Variants in DIAPH3 observed in about 807,000 individuals in gnomAD.
DIAPH3 encodes the protein protein diaphanous homolog 3.
DIAPH3 carries 117 observed loss-of-function variants against 144.3 expected under a neutral mutation model. The observed-to-expected ratio is 0.81, with a 90% CI of 0.70 to 0.95. The LOEUF (loss-of-function observed/expected upper bound fraction) is 0.95. DIAPH3 is among the 40% of genes least tolerant of loss of function. DIAPH3 has a pLI of 0.00. For missense variants in DIAPH3, 1,421 were observed against 1,412.7 expected (o/e 1.01, Z -0.09); for synonymous variants, 519 against 488.9 (o/e 1.06, Z -0.81).
chr13:59,788,210 T>A (rs978012118), intron 25 of DIAPH3, among the ~76,000 whole-genome samples: 6 of 152,138 alleles, frequency 3.9e-5, no homozygotes, highest in Non-Finnish European at 8.8e-5. Flanking sequence ...CAATGAAAAA[T>A]TATGATAAAT....
At chr13:59,969,911 C>T (rs774961390) in intron 17 of DIAPH3, 33 bp downstream of exon 17, 1 of 1,345,200 alleles carries the variant, frequency 7.4e-7, no homozygotes, top group Non-Finnish European at 1.0e-6. Context: ...ATTCTAAAAT[C>T]AAATTAATAA....
chr13:60,013,580 A>G lies in DIAPH3; in HGVS notation c.771+2333T>C, dbSNP rs1372104722. Among the ~76,000 whole-genome samples the G allele has an allele frequency of 2.6e-5, 4 of 152,196 alleles. No homozygotes were observed. The East Asian group carries it at 7.7e-4, about 29-fold the overall frequency. On this transcript the variant is annotated intron_variant, in intron 7 of 27. Coordinates refer to ENST00000400324, the MANE Select transcript of DIAPH3 (RefSeq NM_001042517.2). ...CCCTACGCAATTAAAATTCTCTTCC[A>G]TTTAAAAAATACTCTTAGTCCAATT...
At chr13:60,161,082 C>A (rs1952268615) in intron 1 of DIAPH3, among the ~76,000 whole-genome samples, 1 of 152,190 alleles carries the variant, frequency 6.6e-6, no homozygotes, top group Non-Finnish European at 1.5e-5. Flanking sequence ...CATTCTACTA[C>A]TCGCTTGCTG....
intron 27 of DIAPH3, among the ~76,000 whole-genome samples, chr13:59,700,158 A>G (rs546263140): frequency 3.9e-4 from 60 of 152,192 alleles, no homozygotes; most frequent in African/African-American, 1.3e-3. Flanking sequence ...TTAGCCCATT[A>G]TTTCTACCAT....
rs188771138 is a variant in DIAPH3 at position 60,162,492 on chromosome 13, C to A, written c.180+1095G>T. On this transcript the variant is annotated intron_variant, in intron 1 of 27. Coordinates refer to ENST00000400324, the MANE Select transcript of DIAPH3 (RefSeq NM_001042517.2). ...AGATTTGTCAAGATAATGATCAAGT[C>A]CATACTTGATCCTTCTGCAAAATGT... Among the ~76,000 whole-genome samples, 345 of 152,254 alleles carry A rather than the reference C, an allele frequency of 2.3e-3. 2 individuals are homozygous for A. Among genetic ancestry groups the A allele is most frequent in the African/African-American group, 7.6e-3 (315 of 41,544 alleles).
At chr13:60,159,986 G>A (rs1952210068) in intron 1 of DIAPH3, among the ~76,000 whole-genome samples, 1 of 152,172 alleles carries the variant, frequency 6.6e-6, no homozygotes, top group South Asian at 2.1e-4. Flanking sequence ...AGCACTTTGG[G>A]AGGCCGAGGT....
intron 1 of DIAPH3, among the ~76,000 whole-genome samples, chr13:60,150,503 C>G (rs915955156): frequency 7.2e-5 from 11 of 152,150 alleles, no homozygotes; most frequent in African/African-American, 2.7e-4. Context: ...GTGTCTCAAC[C>G]CCCTCATGTG....
intron 20 of DIAPH3, among the ~76,000 whole-genome samples, chr13:59,890,304 G>A (rs576953409): frequency 6.6e-6 from 1 of 152,142 alleles, no homozygotes; most frequent in Admixed American, 6.5e-5. Flanking sequence ...TATATTCTCT[G>A]CTAGAACTCA....
chr13:59,721,571 AT>A (rs2035347149), intron 27 of DIAPH3, among the ~76,000 whole-genome samples: 1 of 152,196 alleles, frequency 6.6e-6, no homozygotes, highest in African/African-American at 2.4e-5. Flanking sequence ...GTTCTAAATC[AT>A]AAAAAATCCC....
intron 18 of DIAPH3, among the ~76,000 whole-genome samples, chr13:59,920,884 T>C (rs891017688): frequency 3.3e-5 from 5 of 151,826 alleles, no homozygotes; most frequent in Non-Finnish European, 7.4e-5. Flanking sequence ...TAGAATCATA[T>C]CAAGTATATT....
chr13:59,850,475 T>C (rs1298682271), intron 22 of DIAPH3, among the ~76,000 whole-genome samples: 3 of 151,778 alleles, frequency 2.0e-5, no homozygotes, highest in East Asian at 1.9e-4. Context: ...ACAGCTCTTA[T>C]TATTTTGAAA....
At chr13:59,903,019 T>C (rs542154408) in intron 20 of DIAPH3, among the ~76,000 whole-genome samples, 4 of 152,276 alleles carry the variant, frequency 2.6e-5, no homozygotes, top group East Asian at 1.9e-4. Flanking sequence ...AGTGGATGAA[T>C]GGAACTTCTC....
rs1040330192 is a variant in DIAPH3, at chr13:59,750,706, C to T, written c.3319+23483G>A. The stretch of plus-strand genomic sequence containing the variant: ...GTTCCAACCAAATGAATATTTTTAC[C>T]GTAGGCCACGGTAATGCAGTTTTAG... On this transcript the variant is annotated intron_variant, in intron 27 of 27. Coordinates refer to ENST00000400324, the MANE Select transcript of DIAPH3 (RefSeq NM_001042517.2). 3.3e-5 allele frequency among the ~76,000 whole-genome samples: 5 copies of T among 152,024 alleles called. No homozygotes were observed. The South Asian group carries it at 6.2e-4, about 19-fold the overall frequency.
At chr13:59,834,615 T>C (rs1342435207) in intron 23 of DIAPH3, among the ~76,000 whole-genome samples, 4 of 151,626 alleles carry the variant, frequency 2.6e-5, no homozygotes, top group East Asian at 1.9e-4. Context: ...GGAGTAAATG[T>C]AGGCTAGCAT....
intron 4 of DIAPH3, among the ~76,000 whole-genome samples, chr13:60,051,026 G>A (rs896611590): frequency 1.3e-5 from 2 of 152,138 alleles, no homozygotes; most frequent in Admixed American, 1.3e-4. Context: ...TTTGTTCTCA[G>A]CAAGTAAATG....
intron 25 of DIAPH3, among the ~76,000 whole-genome samples, chr13:59,788,210 T>C (rs978012118): frequency 1.3e-5 from 2 of 152,138 alleles, no homozygotes; most frequent in African/African-American, 4.8e-5. Flanking sequence ...CAATGAAAAA[T>C]TATGATAAAT....
intron 27 of DIAPH3, among the ~76,000 whole-genome samples, chr13:59,723,959 TA>T (rs144643410): frequency 0.082 from 10,916 of 133,664 alleles, 523 homozygotes; most frequent in African/African-American, 0.14. Context: ...TGTTAAAAGT[TA>T]AAAAAAAAAA....
intron 22 of DIAPH3, among the ~76,000 whole-genome samples, chr13:59,851,635 CTTT>C (rs200870976): frequency 1.8e-4 from 20 of 112,380 alleles, no homozygotes; most frequent in East Asian, 9.5e-4. Context: ...ATAGATGAAT[CTTT>C]TTTTTTTTTT....
At chr13:60,057,726 C>A (rs947089919) in intron 4 of DIAPH3, among the ~76,000 whole-genome samples, 1 of 151,764 alleles carries the variant, frequency 6.6e-6, no homozygotes, top group South Asian at 2.1e-4. Flanking sequence ...GCATAGAGAA[C>A]GCAGGAATAA....
Sources: allele counts gnomAD v4.1 joint callset (sites outside exome capture counted in the v4.1 genomes callset), GRCh38; gene constraint gnomAD v4.1.1; transcripts MANE v1.5; gene names NCBI Gene and HGNC (gene_info 2026-07-23, HGNC 2026-07-21).